The following ARHGEF40 variants were observed in gnomAD, a reference collection of about 807,000 sequenced individuals.
The protein encoded by ARHGEF40 is Rho guanine nucleotide exchange factor (GEF) 40.
In ARHGEF40, 98 loss-of-function variants were observed where a neutral mutation model predicts 165.9. That is an observed-to-expected ratio of 0.59 (90% CI 0.50 to 0.70). The LOEUF (loss-of-function observed/expected upper bound fraction) is 0.70. Ranked by LOEUF, ARHGEF40 falls within the 30% of genes least tolerant of loss-of-function variation. The pLI is 0.00. For missense variants in ARHGEF40, 1,815 were observed against 1,968.0 expected, an observed-to-expected ratio of 0.92 and a Z score of 1.47; for synonymous variants, 792 against 814.3, an observed-to-expected ratio of 0.97 and a Z score of 0.47.
rs570089125 is a variant in ARHGEF40 at position 21,071,460 on chromosome 14, A to AG, written c.3+1064dup. ...CTGGGGCCGCCCCTCTACGGAGGGA[A>AG]GGGCACCCTCTGGCAGGGAGGCTGG... is the stretch of plus-strand genomic sequence containing the variant. On this transcript the variant is annotated intron_variant, in intron 1 of 23. Coordinates refer to ENST00000298694, the MANE Select transcript of ARHGEF40 (RefSeq NM_018071.5). Among the ~76,000 whole-genome samples, 8 of 152,210 alleles carry AG rather than the reference A, an allele frequency of 5.3e-5. No homozygotes were observed. In the East Asian group the frequency reaches 1.5e-3, roughly 29 times the overall value.
chr14:21,072,319 C>G lies in ARHGEF40; in HGVS notation c.4-726C>G, dbSNP rs969089203. Reference sequence around the variant, plus strand: ...ACCATCAAGGCCTCCTCCTCCCTTCCCACAAGTTCCTCTTGTGACTTTTTT... The same window carrying G: ...ACCATCAAGGCCTCCTCCTCCCTTCGCACAAGTTCCTCTTGTGACTTTTTT... On this transcript the variant is annotated intron_variant, in intron 1 of 23. Coordinates refer to ENST00000298694, the MANE Select transcript of ARHGEF40 (RefSeq NM_018071.5). The surrounding 1 kb of genome is among the most constrained non-coding windows in gnomAD (Gnocchi z 4.1). Among the ~76,000 whole-genome samples the G allele has an allele frequency of 2.0e-5, 3 of 152,136 alleles. No individual in the cohort carries two copies. The highest frequency in any genetic ancestry group is 4.4e-5 in the Non-Finnish European group (3 of 68,028).
At chr14:21,062,787 G>T in the ARHGEF40 span, among the ~76,000 whole-genome samples, 3 of 147,280 alleles carry the variant, frequency 2.0e-5, no homozygotes, top group Non-Finnish European at 4.5e-5. Flanking sequence ...TGTCCAGGCT[G>T]GAGTAGTGCA....
upstream of ARHGEF40, among the ~76,000 whole-genome samples, chr14:21,066,427 C>G (rs1219883064): frequency 6.6e-6 from 1 of 151,974 alleles, no homozygotes; most frequent in African/African-American, 2.4e-5. Context: ...TCAAGCGATT[C>G]TCCTGCCTCA....
Position 21,080,893 on chromosome 14 carries a change from G to T in ARHGEF40, c.2517G>T (p.Arg839=). 6.2e-7 allele frequency: 1 copy of T among 1,614,046 alleles called. No homozygotes were observed. Among genetic ancestry groups the T allele is most frequent in the Non-Finnish European group, 8.5e-7 (1 of 1,179,964 alleles). Residue 839 remains arginine (R), a synonymous_variant, in exon 13 of 24, where the codon CGG becomes CGT. Transcript: ENST00000298694. ...TCCAGGAGCGCCTGGCCCAGGCACG[G>T]GAGGCCCTGGCTCTGGAGGAGAATG... ...AEVQERLAQA[R]EALALEENAT... is the part of the protein sequence containing the mutation.
At position 21,081,734 on chromosome 14, in the gene ARHGEF40, G is replaced by C. The variant is rs7143633; in HGVS notation, c.2866G>C (p.Val956Leu). ...GCTAGAGAGGAGGATCCAGCAACAC[G>C]TGGGAGAGGAGGCGAGCCCACGGGG... ...QELERRIQQH[V>L]GEEASPRGYR... Residue 956 changes from valine (V) to leucine (L), a missense_variant, in exon 14 of 24, where the codon GTG becomes CTG. Transcript: ENST00000298694. The C allele has an allele frequency of 0.84, 1,328,759 of 1,574,850 alleles. 564,089 individuals are homozygous for C. Among genetic ancestry groups the C allele is most frequent in the Admixed American group, 0.9 (47,997 of 53,568 alleles).
At chr14:21,068,161 G>T (rs1317751042), upstream of ARHGEF40, among the ~76,000 whole-genome samples, 4 of 48,846 alleles carry the variant, frequency 8.2e-5, 2 homozygotes, top group Admixed American at 1.4e-3. Flanking sequence ...TACCACGCCC[G>T]GCTAATTTTT....
chr14:21,078,552 C>A, intron 10 of ARHGEF40, 64 bp downstream of exon 10: 1 of 1,465,666 alleles, frequency 6.8e-7, no homozygotes, highest in South Asian at 1.3e-5. Flanking sequence ...TGAAGGCTGC[C>A]AACAAACCTT....
intron 20 of ARHGEF40, 102 bp downstream of exon 20, chr14:21,087,207 C>A (rs539333894): frequency 3.2e-6 from 5 of 1,580,580 alleles, no homozygotes; most frequent in Non-Finnish European, 4.3e-6. Context: ...GCATCTCGTC[C>A]CCAAATCAGT....
rs749865978 is a variant in ARHGEF40 at position 21,074,097 on chromosome 14, T to C, written c.367T>C (p.Cys123Arg). Residue 123 changes from cysteine to arginine, a missense_variant, in exon 3 of 24, where the codon TGT becomes CGT. Transcript: ENST00000298694. This position sits in a 1 kb window ranked among gnomAD's most constrained non-coding sequence, Gnocchi z 4.8. ...AAQAPRLALK[C>R]LAPGGGRVQE... The stretch of plus-strand genomic sequence containing the variant: ...CCAAGCACCCCGACTAGCACTCAAG[T>C]GTCTGGCCCCTGGGGGTGGGCGGGT... The C allele has an allele frequency of 4.3e-6, 7 of 1,614,008 alleles. No homozygotes were observed. Among genetic ancestry groups the C allele is most frequent in the Non-Finnish European group, 5.9e-6 (7 of 1,180,032 alleles).
In ARHGEF40 at chr14:21,085,837, T is replaced by A; in HGVS notation, c.4109T>A (p.Leu1370Gln). ...KLKWTSSIAQ[L>Q]LWRQAAHNKE... is the part of the protein sequence containing the mutation. ...AAGTGGACAAGTTCTATTGCCCAGC[T>A]GCTGTGGAGACAGGCAGCCCACAAC... The change falls in exon 19 of 24, where the codon CTG becomes CAG. Residue 1370 changes from leucine to glutamine, a missense_variant. Coordinates refer to ENST00000298694, the MANE Select transcript of ARHGEF40 (RefSeq NM_018071.5). 6.2e-7 allele frequency: 1 copy of A among 1,614,126 alleles called. No individual in the cohort carries two copies. The highest frequency in any genetic ancestry group is 8.5e-7 in the Non-Finnish European group (1 of 1,180,032).
chr14:21,069,609 T>C (rs545169778), upstream of ARHGEF40, among the ~76,000 whole-genome samples: 1 of 152,348 alleles, frequency 6.6e-6, no homozygotes, highest in Admixed American at 6.5e-5. Flanking sequence ...AAGCCTTCGC[T>C]GCTCCCTAAC....
rs925611167 is a variant in ARHGEF40 at position 21,070,540 on chromosome 14, C to T, written c.3+141C>T. 3.7e-6 allele frequency: 4 copies of T among 1,084,174 alleles called. No homozygotes were observed. The highest frequency in any genetic ancestry group is 3.2e-5 in the African/African-American group (2 of 63,262). 67.2% of individuals were successfully genotyped at this position (1,084,174 alleles called of 1,614,324 possible). A position where few individuals can be genotyped will look rare whatever the true frequency, so the allele number is the denominator to read the frequency against. ...GGGACTCTCCTCCCTCCCATCCCCC[C>T]TTCTTCGATTTGTCTGTCTGCCCGA... On this transcript the variant is annotated intron_variant, in intron 1 of 23. Coordinates refer to ENST00000298694, the MANE Select transcript of ARHGEF40 (RefSeq NM_018071.5). The surrounding 1 kb of genome is among the most constrained non-coding windows in gnomAD (Gnocchi z 4.7).
In ARHGEF40 at chr14:21,087,068, T is replaced by C; in HGVS notation, c.4206T>C (p.Leu1402=). 6.2e-7 allele frequency: 1 copy of C among 1,608,530 alleles called. No homozygotes were observed. ...AACCCTTCCTGGACATCAAAGCCCT[T>C]GGGGAGCGGACGCTGAGTGCCCTGC... ...GNKPFLDIKA[L]GERTLSALLT... is the part of the protein sequence containing the mutation. Residue 1402 remains leucine, a synonymous_variant, in exon 20 of 24, where the codon CTT becomes CTC. Coordinates refer to ENST00000298694, the MANE Select transcript of ARHGEF40 (RefSeq NM_018071.5).
chr14:21,070,480 C>T lies in ARHGEF40; in HGVS notation c.3+81C>T, dbSNP rs1261599998. 1 of 1,345,364 alleles carries T rather than the reference C, an allele frequency of 7.4e-7. No individual in the cohort carries two copies. The highest frequency in any genetic ancestry group is 9.5e-7 in the Non-Finnish European group (1 of 1,049,790). The allele number at this position is 1,345,364 out of a possible 1,614,324, so 83.3% of individuals were successfully genotyped here. A position where few individuals can be genotyped will look rare whatever the true frequency, so the allele number is the denominator to read the frequency against. ...GGGCCCCCAAGTCCTCAGCCTGGTG[C>T]CTCCCGAGCCTGCCTCGGACTGTTC... is the stretch of plus-strand genomic sequence containing the variant. On this transcript the variant is annotated intron_variant, in intron 1 of 23. Transcript: ENST00000298694. This position sits in a 1 kb window ranked among gnomAD's most constrained non-coding sequence, Gnocchi z 4.7.
intron 11 of ARHGEF40, among the ~76,000 whole-genome samples, chr14:21,079,904 T>C (rs1490752862): frequency 6.6e-6 from 1 of 152,130 alleles, no homozygotes; most frequent in Non-Finnish European, 1.5e-5. Flanking sequence ...ATGTGTAAGA[T>C]GTTGGACAAG....
At chr14:21,078,637 T>G in intron 10 of ARHGEF40, 149 bp downstream of exon 10, 1 of 940,292 alleles carries the variant, frequency 1.1e-6, no homozygotes, top group South Asian at 1.8e-5. Flanking sequence ...CTCATAACCC[T>G]CACAACATCC....
rs760901740 is a variant in ARHGEF40, at chr14:21,075,723, A to G, written c.1697A>G (p.Asp566Gly). The G allele has an allele frequency of 1.1e-5, 17 of 1,613,650 alleles. No homozygotes were observed. In the South Asian group the frequency reaches 1.8e-4, roughly 17 times the overall value. Reference sequence around the variant, plus strand: ...CCTGAGGAGCCCCCACCCTCCCGAGACACGCTGAACACAACTCTTCATTAC... The same window carrying G: ...CCTGAGGAGCCCCCACCCTCCCGAGGCACGCTGAACACAACTCTTCATTAC... ...CPPEEPPPSR[D>G]TLNTTLHYLH... is the part of the protein sequence containing the mutation. Residue 566 changes from aspartate to glycine, a missense_variant, in exon 5 of 24, where the codon GAC becomes GGC. Asp to Gly is a moderately conservative substitution (Grantham distance 94). Coordinates refer to ENST00000298694, the MANE Select transcript of ARHGEF40 (RefSeq NM_018071.5). The surrounding 1 kb of genome is among the most constrained non-coding windows in gnomAD (Gnocchi z 4.5).
rs761552195 is a variant in ARHGEF40 at position 21,087,053 on chromosome 14, G to A, written c.4191G>A (p.Leu1397=). 10 of 1,607,854 alleles carry A rather than the reference G, an allele frequency of 6.2e-6. No individual in the cohort carries two copies. The highest frequency in any genetic ancestry group is 3.4e-5 in the Admixed American group (2 of 59,122). ...TGGGCATTGGGAATAAACCCTTCCT[G>A]GACATCAAAGCCCTTGGGGAGCGGA... ...VSMGIGNKPF[L]DIKALGERTL... is the part of the protein sequence containing the mutation. Residue 1397 remains leucine, a synonymous_variant, in exon 20 of 24, where the codon CTG becomes CTA. Coordinates refer to ENST00000298694, the MANE Select transcript of ARHGEF40 (RefSeq NM_018071.5).
chr14:21,083,890 AGCTGACTCGGTATGGGCG>A lies in ARHGEF40; in HGVS notation c.3633_3650del (p.Thr1212_Leu1217del). On this transcript the variant is annotated inframe_deletion, in exon 17 of 24. Transcript: ENST00000298694. Reference sequence around the variant, plus strand: ...CGAGCCCTGCAGCAGCCTCTGGAACAGCTGACTCGGTATGGGCGGCTCCTGGAGGAGCTCCTGAGGGAA... The same window carrying A: ...CGAGCCCTGCAGCAGCCTCTGGAACAGCTCCTGGAGGAGCTCCTGAGGGAA... 1 of 1,614,070 alleles carries A rather than the reference AGCTGACTCGGTATGGGCG, an allele frequency of 6.2e-7. No individual in the cohort carries two copies. The highest frequency in any genetic ancestry group is 8.5e-7 in the Non-Finnish European group (1 of 1,180,040).
Sources: gnomAD v4.1 joint callset for allele counts (sites outside exome capture counted in the v4.1 genomes callset) on GRCh38, gnomAD v4.1.1 for gene constraint, Gnocchi (gnomAD v3.1) non-coding constraint, MANE v1.5 for transcripts, NCBI Gene and HGNC (gene_info 2026-07-23, HGNC 2026-07-21) for gene names.